The following CCDC148 variants were observed in gnomAD, a reference collection of about 807,000 sequenced individuals.
CCDC148 encodes coiled-coil domain containing 148, also known as coiled-coil domain-containing protein 148.
A neutral mutation model predicts 85.7 loss-of-function variants in CCDC148; 89 were observed. The observed-to-expected ratio is 1.04, with a 90% confidence interval of 0.87 to 1.24. CCDC148 has a LOEUF of 1.24. Ranked by LOEUF, CCDC148 falls within the 50% of genes most tolerant of loss-of-function variation. The pLI is 0.00. For missense variants in CCDC148, 692 were observed against 671.7 expected (o/e 1.03, Z -0.33); for synonymous variants, 230 against 213.9 (o/e 1.08, Z -0.66).
At chr2:158,294,339 T>C (rs1471322297) in intron 9 of CCDC148, among the ~76,000 whole-genome samples, 3 of 152,156 alleles carry the variant, frequency 2.0e-5, no homozygotes, top group Non-Finnish European at 2.9e-5. Context: ...GTTGAAGGCA[T>C]TTGGGCTGCT....
At chr2:158,376,424 A>G (rs910459892) in intron 1 of CCDC148, among the ~76,000 whole-genome samples, 5 of 152,096 alleles carry the variant, frequency 3.3e-5, no homozygotes, top group African/African-American at 1.2e-4. Context: ...TTTTCCTCTA[A>G]AATGTTACAC....
chr2:158,239,808 G>C (rs765561075), intron 10 of CCDC148, among the ~76,000 whole-genome samples: 3 of 151,942 alleles, frequency 2.0e-5, no homozygotes, highest in Non-Finnish European at 2.9e-5. Context: ...CAGTTTACTT[G>C]GGAGTCTTGT....
intron 1 of CCDC148, among the ~76,000 whole-genome samples, chr2:158,412,387 G>A (rs1032801023): frequency 3.3e-5 from 5 of 152,080 alleles, no homozygotes; most frequent in Middle Eastern, 6.8e-3. Flanking sequence ...ACTCCTAGTC[G>A]GTCATCTTGC....
At position 158,370,887 on chromosome 2, in the gene CCDC148, G is replaced by A. The variant is rs113777628; in HGVS notation, c.26-12317C>T. ...AAAAAAAACTACCAAAGTTGATTAC[G>A]GGAAATTAAAAAAAAAAATTGAACA... On this transcript the variant is annotated intron_variant, in intron 1 of 13. Transcript: ENST00000283233. Among the ~76,000 whole-genome samples, 724 of 150,292 alleles carry A rather than the reference G, an allele frequency of 4.8e-3. 4 individuals are homozygous for A. Among genetic ancestry groups the A allele is most frequent in the African/African-American group, 0.016 (671 of 40,974 alleles).
chr2:158,403,655 A>G (rs1030091725), intron 1 of CCDC148, among the ~76,000 whole-genome samples: 34 of 152,092 alleles, frequency 2.2e-4, no homozygotes, highest in African/African-American at 7.0e-4. Context: ...TTAAAAAGCC[A>G]TAACGCTGCC....
Position 158,377,279 on chromosome 2 carries a change from G to GT in CCDC148, c.26-18710dup, listed in dbSNP as rs1187096180. Among the ~76,000 whole-genome samples the GT allele has an allele frequency of 1.9e-4, 28 of 151,008 alleles. No individual in the cohort carries two copies. The East Asian group carries it at 4.5e-3, about 24-fold the overall frequency. On this transcript the variant is annotated intron_variant, in intron 1 of 13. Transcript: ENST00000283233. ...TGGAGGGGTAGGGTGTGTCGATGGT[G>GT]TGGGGGGGGTGGGGTACAAATTACC...
chr2:158,240,179 T>C (rs1001382052), intron 10 of CCDC148, among the ~76,000 whole-genome samples: 1 of 151,254 alleles, frequency 6.6e-6, no homozygotes, highest in African/African-American at 2.4e-5. Context: ...GTGTTCAGAG[T>C]GGTTCAAAGA....
intron 1 of CCDC148, among the ~76,000 whole-genome samples, chr2:158,419,471 G>A (rs1415499808): frequency 2.0e-5 from 3 of 152,136 alleles, no homozygotes; most frequent in African/African-American, 7.2e-5. Flanking sequence ...GTATATATTG[G>A]TTTTGGTACT....
intron 1 of CCDC148, among the ~76,000 whole-genome samples, chr2:158,362,271 A>T (rs1423671668): frequency 1.3e-5 from 2 of 152,206 alleles, no homozygotes; most frequent in African/African-American, 2.4e-5. Context: ...AACGAGAAAG[A>T]AAATTAACAA....
At chr2:158,334,981 T>C (rs1693343150) in intron 7 of CCDC148, among the ~76,000 whole-genome samples, 1 of 152,140 alleles carries the variant, frequency 6.6e-6, no homozygotes, top group Non-Finnish European at 1.5e-5. Flanking sequence ...AAATCAATTA[T>C]TGTATTGAAT....
intron 9 of CCDC148, among the ~76,000 whole-genome samples, chr2:158,263,354 C>T (rs1010995245): frequency 1.3e-5 from 2 of 152,078 alleles, no homozygotes; most frequent in East Asian, 1.9e-4. Flanking sequence ...ACAGTAAATA[C>T]TTATTAAAGG....
intron 1 of CCDC148, among the ~76,000 whole-genome samples, chr2:158,359,529 C>T (rs527241348): frequency 6.6e-6 from 1 of 152,146 alleles, no homozygotes; most frequent in Non-Finnish European, 1.5e-5. Flanking sequence ...AGCCCACAGA[C>T]AGCAAGCCGA....
intron 11 of CCDC148, among the ~76,000 whole-genome samples, chr2:158,213,435 C>T (rs995670298): frequency 6.6e-6 from 1 of 152,094 alleles, no homozygotes; most frequent in Non-Finnish European, 1.5e-5. Flanking sequence ...AGATGAAAGG[C>T]CACAATATAA....
chr2:158,387,629 C>G (rs538312531), intron 1 of CCDC148, among the ~76,000 whole-genome samples: 1 of 152,234 alleles, frequency 6.6e-6, no homozygotes, highest in African/African-American at 2.4e-5. Context: ...ACTTCTTCCT[C>G]ACTCTGACTC....
chr2:158,401,785 T>C (rs987729766), intron 1 of CCDC148, among the ~76,000 whole-genome samples: 20 of 152,010 alleles, frequency 1.3e-4, no homozygotes, highest in African/African-American at 4.8e-4. Context: ...CAAGCCTTTC[T>C]CTTTGGGAAT....
At chr2:158,397,070 A>T (rs2105302153) in intron 1 of CCDC148, among the ~76,000 whole-genome samples, 1 of 152,102 alleles carries the variant, frequency 6.6e-6, no homozygotes, top group East Asian at 1.9e-4. Context: ...GAGCACTCCC[A>T]CTCTCCAGGC....
intron 1 of CCDC148, among the ~76,000 whole-genome samples, chr2:158,366,364 T>C (rs1267923463): frequency 2.6e-5 from 4 of 152,212 alleles, no homozygotes; most frequent in Non-Finnish European, 5.9e-5. Flanking sequence ...AGTTGTTATG[T>C]GTTTTATTTT....
intron 1 of CCDC148, 108 bp downstream of exon 1, chr2:158,456,307 C>T: frequency 9.1e-7 from 1 of 1,101,726 alleles, no homozygotes; most frequent in Non-Finnish European, 1.4e-6. Flanking sequence ...AGGAAAGATC[C>T]ACCCCAGGGA....
At chr2:158,407,489 T>C (rs17492792) in intron 1 of CCDC148, among the ~76,000 whole-genome samples, 6,087 of 152,228 alleles carry the variant, frequency 0.04, 201 homozygotes, top group Non-Finnish European at 0.055. Flanking sequence ...TGTATCAAAA[T>C]ACATGAGATT....
Sources: allele counts gnomAD v4.1 joint callset (sites outside exome capture counted in the v4.1 genomes callset), GRCh38; gene constraint gnomAD v4.1.1; transcripts MANE v1.5; gene names NCBI Gene and HGNC (gene_info 2026-07-23, HGNC 2026-07-21).